The following THSD7B variants were observed in gnomAD, a reference collection of about 807,000 sequenced individuals.
THSD7B encodes the protein thrombospondin type-1 domain-containing protein 7B.
THSD7B carries 138 observed loss-of-function variants against 213.6 expected under a neutral mutation model. The ratio of observed to expected loss-of-function variants is 0.65; its 90% CI spans 0.56 to 0.74. The LOEUF is 0.74. THSD7B is among the 30% of genes least tolerant of loss of function. THSD7B has a pLI of 0.00. For synonymous variants in THSD7B, 742 were observed against 687.0 expected, an observed-to-expected ratio of 1.08 and a Z score of -1.25; for missense variants, 1,931 against 1,991.5, an observed-to-expected ratio of 0.97 and a Z score of 0.58.
chr2:137,129,232 C>T (rs747026604), intron 5 of THSD7B, among the ~76,000 whole-genome samples: 20 of 152,084 alleles, frequency 1.3e-4, no homozygotes, highest in Non-Finnish European at 2.6e-4. Context: ...AATCAGTATA[C>T]TCTCTTCTTG....
At chr2:137,446,747 A>G (rs1687548947) in intron 14 of THSD7B, among the ~76,000 whole-genome samples, 1 of 152,064 alleles carries the variant, frequency 6.6e-6, no homozygotes, top group South Asian at 2.1e-4. Flanking sequence ...ACTTTTTGGT[A>G]GAAAAAACTG....
At chr2:137,117,684 T>A (rs10190738) in intron 5 of THSD7B, among the ~76,000 whole-genome samples, 2,962 of 152,268 alleles carry the variant, frequency 0.019, 106 homozygotes, top group African/African-American at 0.066. Context: ...ACTGGTGATT[T>A]AGCAGCTCTG....
At chr2:137,521,696 G>A (rs1281504023) in intron 15 of THSD7B, among the ~76,000 whole-genome samples, 1 of 152,194 alleles carries the variant, frequency 6.6e-6, no homozygotes, top group Admixed American at 6.5e-5. Context: ...GTAGATCAGG[G>A]ACAGTAGAGG....
chr2:137,340,152 T>C (rs1558763360), intron 12 of THSD7B, among the ~76,000 whole-genome samples: 1 of 151,872 alleles, frequency 6.6e-6, no homozygotes, highest in Non-Finnish European at 1.5e-5. Flanking sequence ...GAGATTCTAC[T>C]TCCCACACTT....
chr2:137,469,649 G>A (rs1688055674), intron 15 of THSD7B, among the ~76,000 whole-genome samples: 1 of 152,166 alleles, frequency 6.6e-6, no homozygotes, highest in South Asian at 2.1e-4. Context: ...AAACTTAGCA[G>A]TGAAAAGATT....
chr2:137,673,128 A>AATC (rs1683615298), intron 27 of THSD7B, among the ~76,000 whole-genome samples: 1 of 152,208 alleles, frequency 6.6e-6, no homozygotes, highest in Admixed American at 6.5e-5. Flanking sequence ...CAAACTAGTT[A>AATC]ATCTCTCCTG....
intron 12 of THSD7B, among the ~76,000 whole-genome samples, chr2:137,396,120 G>A (rs1183979187): frequency 1.4e-5 from 2 of 147,582 alleles, no homozygotes; most frequent in East Asian, 4.0e-4. Context: ...ACCAGCTCCT[G>A]GATTCATTAA....
chr2:137,561,906 A>G (rs970724661), intron 15 of THSD7B, among the ~76,000 whole-genome samples: 10 of 151,996 alleles, frequency 6.6e-5, no homozygotes, highest in African/African-American at 2.4e-4. Flanking sequence ...TTTTGTCCTC[A>G]CATATTTGTT....
chr2:137,162,099 C>G (rs1680030287), intron 6 of THSD7B, among the ~76,000 whole-genome samples: 1 of 152,122 alleles, frequency 6.6e-6, no homozygotes, highest in African/African-American at 2.4e-5. Context: ...AATTGATAAC[C>G]AGCCTAAGTC....
At chr2:137,659,786 G>T in intron 25 of THSD7B, 40 bp downstream of exon 25, 2 of 1,552,448 alleles carry the variant, frequency 1.3e-6, no homozygotes, top group Middle Eastern at 3.4e-4. Context: ...TGCATTAATT[G>T]CTGTGTTTTA....
intron 14 of THSD7B, among the ~76,000 whole-genome samples, chr2:137,430,531 C>T (rs1480130006): frequency 6.6e-6 from 1 of 152,128 alleles, no homozygotes; most frequent in African/African-American, 2.4e-5. Flanking sequence ...CAAGGGCTGC[C>T]CCATGGATAA....
intron 6 of THSD7B, among the ~76,000 whole-genome samples, chr2:137,165,107 G>C (rs566904257): frequency 6.6e-6 from 1 of 152,288 alleles, no homozygotes; most frequent in East Asian, 1.9e-4. Flanking sequence ...AGGTGGTACT[G>C]TCCCCACAGC....
chr2:136,969,945 C>T (rs114652962), intron 2 of THSD7B, among the ~76,000 whole-genome samples: 2 of 152,122 alleles, frequency 1.3e-5, no homozygotes, highest in African/African-American at 4.8e-5. Context: ...CATAAACAAA[C>T]CCAACCACAT....
chr2:137,472,641 T>C (rs1189137259), intron 15 of THSD7B, among the ~76,000 whole-genome samples: 6 of 152,194 alleles, frequency 3.9e-5, no homozygotes, highest in African/African-American at 1.4e-4. Flanking sequence ...CTTTCAGCCT[T>C]ACCCAGATAT....
At chr2:137,167,192 A>ATTATTTAT (rs565152667) in intron 6 of THSD7B, among the ~76,000 whole-genome samples, 37 of 150,752 alleles carry the variant, frequency 2.5e-4, no homozygotes, top group African/African-American at 8.0e-4. Flanking sequence ...TTTTTATTTT[A>ATTATTTAT]TTATTTATTT....
intron 12 of THSD7B, among the ~76,000 whole-genome samples, chr2:137,367,166 A>G (rs1685426165): frequency 6.6e-6 from 1 of 152,138 alleles, no homozygotes; most frequent in South Asian, 2.1e-4. Context: ...ATACCAATGC[A>G]GTAGCTAACT....
chr2:136,893,538 T>C (rs1683901102), intron 2 of THSD7B, among the ~76,000 whole-genome samples: 1 of 152,156 alleles, frequency 6.6e-6, no homozygotes, highest in Non-Finnish European at 1.5e-5. Flanking sequence ...CAGAGTGGAA[T>C]TGAATCATAA....
At chr2:137,605,628 G>C (rs1573738816) in intron 17 of THSD7B, among the ~76,000 whole-genome samples, 1 of 115,658 alleles carries the variant, frequency 8.6e-6, no homozygotes, top group East Asian at 3.2e-4. Flanking sequence ...TATTAAAAAA[G>C]CATATATTGG....
At chr2:137,320,884 A>G (rs1036528014) in intron 12 of THSD7B, among the ~76,000 whole-genome samples, 9 of 152,226 alleles carry the variant, frequency 5.9e-5, no homozygotes, top group Admixed American at 5.2e-4. Context: ...GCCTTCCGCA[A>G]TTCAAAGAAT....
Sources: gnomAD v4.1 joint callset for allele counts (sites outside exome capture counted in the v4.1 genomes callset) on GRCh38, gnomAD v4.1.1 for gene constraint, MANE v1.5 for transcripts, NCBI Gene and HGNC (gene_info 2026-07-23, HGNC 2026-07-21) for gene names.